Variants in CHODL observed in about 807,000 individuals in gnomAD.
The protein encoded by CHODL is transmembrane protein MT75.
Under a neutral mutation model 34.5 loss-of-function variants are expected in CHODL, and 29 were observed. That is an observed-to-expected ratio of 0.84 (90% confidence interval 0.63 to 1.15). The LOEUF (loss-of-function observed/expected upper bound fraction) is 1.15, where lower values mean the gene tolerates loss of function less well. CHODL is among the 50% of genes most tolerant of loss of function. The pLI is 0.00. For synonymous variants in CHODL, 125 were observed against 116.1 expected, an observed-to-expected ratio of 1.08 and a Z score of -0.49; for missense variants, 332 against 332.5, an observed-to-expected ratio of 1.00 and a Z score of 0.01.
At position 18,047,894 on chromosome 21, in the gene CHODL, G is replaced by C. The variant is rs543443844; in HGVS notation, c.-45+19923G>C. 3.9e-5 allele frequency among the ~76,000 whole-genome samples: 6 copies of C among 151,992 alleles called. No individual in the cohort carries two copies. The South Asian group carries it at 1.2e-3, about 32-fold the overall frequency. On this transcript the variant is annotated intron_variant, in intron 2 of 6. Transcript: ENST00000400127. ...ACAGTGTGGGTGGTGAGGACAAGAG[G>C]CCATTTTTTAATGTTCCATAACCAA...
At chr21:18,110,819 C>T (rs901257539) in intron 2 of CHODL, among the ~76,000 whole-genome samples, 1 of 152,184 alleles carries the variant, frequency 6.6e-6, no homozygotes, top group Non-Finnish European at 1.5e-5. Flanking sequence ...AAGATTCTCC[C>T]TGTCCAATCC....
chr21:18,264,130 A>G (rs920578835), intron 5 of CHODL, among the ~76,000 whole-genome samples: 11 of 152,128 alleles, frequency 7.2e-5, no homozygotes, highest in Non-Finnish European at 1.5e-4. Context: ...AGGTGTGTTT[A>G]GAAATAGTTC....
chr21:18,108,042 C>T (rs953801391), intron 2 of CHODL, among the ~76,000 whole-genome samples: 3 of 152,166 alleles, frequency 2.0e-5, no homozygotes, highest in African/African-American at 7.2e-5. Context: ...ATGCATTTGG[C>T]AATCTGTGAA....
intron 2 of CHODL, among the ~76,000 whole-genome samples, chr21:18,145,959 T>G (rs1201964533): frequency 7.7e-6 from 1 of 130,598 alleles, no homozygotes; most frequent in African/African-American, 4.1e-5. Flanking sequence ...TTTGGTTTTG[T>G]TTTTTGTTGT....
At chr21:18,167,390 A>C (rs1292957415) in intron 2 of CHODL, among the ~76,000 whole-genome samples, 1 of 147,894 alleles carries the variant, frequency 6.8e-6, no homozygotes, top group Admixed American at 7.0e-5. Context: ...GCTCACTGCA[A>C]GCTCCGCCTC....
chr21:18,008,343 A>G (rs1236945801), intron 1 of CHODL, among the ~76,000 whole-genome samples: 1 of 152,056 alleles, frequency 6.6e-6, no homozygotes, highest in Non-Finnish European at 1.5e-5. Context: ...TGTTGTAACA[A>G]TAGTTAACAT....
intron 1 of CHODL, among the ~76,000 whole-genome samples, chr21:17,932,802 A>G (rs1387172212): frequency 6.6e-6 from 1 of 152,144 alleles, no homozygotes; most frequent in Non-Finnish European, 1.5e-5. Flanking sequence ...AGACACAGAG[A>G]CAAAGTATGG....
intron 1 of CHODL, among the ~76,000 whole-genome samples, chr21:17,962,323 G>A (rs1260912556): frequency 6.6e-6 from 1 of 152,168 alleles, no homozygotes. Context: ...CTAATATGAA[G>A]CATTGAGGGT....
rs2063976295 is a variant in CHODL at position 18,007,995 on chromosome 21, C to G, written c.-144-19877C>G. ...ATAAATCTATGATTATACTATGTAG[C>G]TTTGAATAAGTGCATTTGTTTTGAA... On this transcript the variant is annotated intron_variant, in intron 1 of 6. Coordinates refer to the CHODL transcript ENST00000400127. Among the ~76,000 whole-genome samples the G allele has an allele frequency of 2.0e-5, 3 of 151,966 alleles. No individual in the cohort carries two copies. The South Asian group carries it at 6.2e-4, about 32-fold the overall frequency.
At chr21:17,938,510 G>T (rs1390799636) in intron 1 of CHODL, among the ~76,000 whole-genome samples, 4 of 94,486 alleles carry the variant, frequency 4.2e-5, no homozygotes, top group Admixed American at 3.5e-4. Flanking sequence ...AGGGAGTCTC[G>T]CTCCATCGCC....
At chr21:18,184,522 G>GT (rs2073417655) in intron 2 of CHODL, among the ~76,000 whole-genome samples, 1 of 152,136 alleles carries the variant, frequency 6.6e-6, no homozygotes, top group African/African-American at 2.4e-5. Context: ...AAAAATATGT[G>GT]TTTGATATAA....
intron 2 of CHODL, among the ~76,000 whole-genome samples, chr21:18,115,361 T>C (rs2065399771): frequency 6.6e-6 from 1 of 152,190 alleles, no homozygotes; most frequent in African/African-American, 2.4e-5. Flanking sequence ...CTGTGCAAAA[T>C]AATCCTACTG....
chr21:18,217,172 T>TG (rs112468026), intron 2 of CHODL, among the ~76,000 whole-genome samples: 42,489 of 152,014 alleles, frequency 0.28, 6,447 homozygotes, highest in African/African-American at 0.41. Flanking sequence ...TACTCAGCAA[T>TG]GGGGGTGCTG....
chr21:18,255,156 A>G (rs2074301255), intron 1 of CHODL, among the ~76,000 whole-genome samples: 1 of 152,024 alleles, frequency 6.6e-6, no homozygotes, highest in Non-Finnish European at 1.5e-5. Flanking sequence ...TAGATTTTAA[A>G]CTTCCCTTCC....
intron 2 of CHODL, among the ~76,000 whole-genome samples, chr21:18,144,309 A>G (rs1007092304): frequency 2.6e-5 from 4 of 152,246 alleles, no homozygotes; most frequent in African/African-American, 7.2e-5. Flanking sequence ...TCTTAGCCTA[A>G]AGCACTGAAA....
intron 2 of CHODL, among the ~76,000 whole-genome samples, chr21:18,195,028 A>ATTAT (rs56855621): frequency 0.082 from 11,867 of 143,952 alleles, 592 homozygotes; most frequent in African/African-American, 0.14. Context: ...AATACAATAC[A>ATTAT]TTATTTATTT....
chr21:18,127,431 G>T (rs2065560203), intron 2 of CHODL, among the ~76,000 whole-genome samples: 1 of 152,040 alleles, frequency 6.6e-6, no homozygotes, highest in Non-Finnish European at 1.5e-5. Context: ...TGGATCCATT[G>T]GTCATGTCAG....
chr21:18,030,551 A>T (rs1340180483), intron 2 of CHODL, among the ~76,000 whole-genome samples: 1 of 152,186 alleles, frequency 6.6e-6, no homozygotes, highest in African/African-American at 2.4e-5. Context: ...ATAATCTGTT[A>T]CATAGAAATA....
At chr21:18,147,506 G>A (rs149567518) in intron 2 of CHODL, among the ~76,000 whole-genome samples, 21 of 152,338 alleles carry the variant, frequency 1.4e-4, no homozygotes, top group African/African-American at 4.3e-4. Context: ...TTCTTTTCAT[G>A]TGTGGCTTAT....
Sources: allele counts gnomAD v4.1 joint callset (sites outside exome capture counted in the v4.1 genomes callset), GRCh38; gene constraint gnomAD v4.1.1; transcripts MANE v1.5; gene names NCBI Gene and HGNC (gene_info 2026-07-23, HGNC 2026-07-21).